ESPL1: variants seen among roughly 807,000 people sequenced by gnomAD.
ESPL1 encodes the protein separin.
In ESPL1, 50 loss-of-function variants were observed where a neutral mutation model predicts 217.2. The observed-to-expected ratio is 0.23, with a 90% CI of 0.18 to 0.29. ESPL1 has a LOEUF of 0.29. Ranked by LOEUF, ESPL1 falls within the 10% of genes least tolerant of loss-of-function variation. The pLI is 1.00. For synonymous variants in ESPL1, 994 were observed against 1,081.3 expected (o/e 0.92, Z 1.58); for missense variants, 1,834 against 2,603.0 (o/e 0.70, Z 6.43).
chr12:53,278,087 G>T, intron 11 of ESPL1, 127 bp downstream of exon 11: 1 of 942,474 alleles, frequency 1.1e-6, no homozygotes. Context: ...GCGCAGGGCT[G>T]TATCACCAGT....
At position 53,293,110 on chromosome 12, in the gene ESPL1, A is replaced by G; in HGVS notation, c.6161+140A>G. The G allele has an allele frequency of 1.0e-6, 1 of 988,166 alleles. No individual in the cohort carries two copies. The highest frequency in any genetic ancestry group is 1.5e-6 in the Non-Finnish European group (1 of 663,348). 61.2% of individuals were successfully genotyped at this position (988,166 alleles called of 1,614,324 possible). The stretch of plus-strand genomic sequence containing the variant: ...GTTAGTTCCCTGGCATGCCTGGACC[A>G]TTAACCCTTAGCTCCCTTCTGTTCT... On this transcript the variant is annotated intron_variant, in intron 30 of 30. Transcript: ENST00000257934. The surrounding 1 kb of genome is among the most constrained non-coding windows in gnomAD (Gnocchi z 4.2).
intron 16 of ESPL1, 36 bp downstream of exon 16, chr12:53,283,574 A>T: frequency 6.3e-7 from 1 of 1,592,020 alleles, no homozygotes; most frequent in African/African-American, 1.3e-5. Context: ...CAATGATGGC[A>T]CCAAAGTGCC....
At position 53,273,448 on chromosome 12, in the gene ESPL1, G is replaced by C. The variant is rs1039198373; in HGVS notation, c.1506+591G>C. Among the ~76,000 whole-genome samples the C allele has an allele frequency of 2.6e-5, 4 of 151,812 alleles. No homozygotes were observed. In the East Asian group the frequency reaches 7.8e-4, roughly 29 times the overall value. ...TTAAGAAAATTCTAATGTCTGCCCC[G>C]AGTTAATTGCATCAGAATCTCTAGT... On this transcript the variant is annotated intron_variant, in intron 6 of 30. Coordinates refer to ENST00000257934, the MANE Select transcript of ESPL1 (RefSeq NM_012291.5).
intron 7 of ESPL1, 103 bp downstream of exon 7, chr12:53,275,113 A>T (rs1943743466): frequency 2.4e-6 from 2 of 834,962 alleles, no homozygotes; most frequent in Non-Finnish European, 3.6e-6. Context: ...GACCATGGCC[A>T]ACATGGTGAA....
In ESPL1 at chr12:53,269,040, C is replaced by T; in HGVS notation, c.98C>T (p.Pro33Leu). The T allele has an allele frequency of 5.6e-6, 9 of 1,612,056 alleles. No individual in the cohort carries two copies. The highest frequency in any genetic ancestry group is 7.6e-6 in the Non-Finnish European group (9 of 1,178,716). ...TACTCCTAGGAGTTCCTGTCCAACCCTCCAGCTGGTTTTCCCAGCAGCCGA... is the reference window on the plus strand; with the variant it reads ...TACTCCTAGGAGTTCCTGTCCAACCTTCCAGCTGGTTTTCCCAGCAGCCGA... ...LPALKEFLSN[P>L]PAGFPSSRSD... The change falls in exon 3 of 31, where the codon CCT (proline) becomes CTT (leucine). Residue 33 changes from proline (P) to leucine (L), a missense_variant. Around this residue, in one of 5 missense-constraint regions of ESPL1, gnomAD observed 746 missense variants for 1,077.0 expected, o/e 0.69. Coordinates refer to ENST00000257934, the MANE Select transcript of ESPL1 (RefSeq NM_012291.5). This position sits in a 1 kb window ranked among gnomAD's most constrained non-coding sequence, Gnocchi z 6.7.
intron 17 of ESPL1, among the ~76,000 whole-genome samples, chr12:53,285,264 G>A (rs188939965): frequency 7.7e-4 from 117 of 152,258 alleles, no homozygotes; most frequent in Admixed American, 1.4e-3. Context: ...AGCTGAGTGG[G>A]AGCATAGATT....
Position 53,293,509 on chromosome 12 carries a change from C to T in ESPL1, c.*35C>T, listed in dbSNP as rs1944099584. 1.4e-6 allele frequency: 2 copies of T among 1,477,402 alleles called. No individual in the cohort carries two copies. Among genetic ancestry groups the T allele is most frequent in the South Asian group, 2.3e-5 (2 of 88,328 alleles). The allele number at this position is 1,477,402 out of a possible 1,614,324, so 91.5% of individuals were successfully genotyped here. A position where few individuals can be genotyped will look rare whatever the true frequency, so the allele number is the denominator to read the frequency against. ...GCTGTCTTATTGATGCTAGAAGCCT[C>T]ATAACTGTTCTACCTCCAAGGTTAG... On this transcript the variant is annotated 3_prime_UTR_variant, in exon 31 of 31. Transcript: ENST00000257934. This position sits in a 1 kb window ranked among gnomAD's most constrained non-coding sequence, Gnocchi z 4.2.
At chr12:53,277,409 TAGC>T in intron 9 of ESPL1, 58 bp from the exon 10 acceptor site, 2 of 1,569,542 alleles carry the variant, frequency 1.3e-6, no homozygotes, top group Non-Finnish European at 1.7e-6. Context: ...GCCTGCCGAG[TAGC>T]CAGGACGATA....
intron 8 of ESPL1, 109 bp from the exon 9 acceptor site, chr12:53,276,974 T>C: frequency 1.3e-6 from 2 of 1,548,924 alleles, no homozygotes; most frequent in African/African-American, 1.4e-5. Context: ...CTTGTGGCCA[T>C]GGGAGCACAT....
In ESPL1 at chr12:53,290,230, T is replaced by C. The variant is rs1208290211; in HGVS notation, c.5241+18T>C. On this transcript the variant is annotated intron_variant, in intron 23 of 30. Transcript: ENST00000257934. ...AGAACAAGGTAGGATTCCTGGGCCATGGAGCAAAGTTGGGCTGGATTGGGC... is the reference window on the plus strand; with the variant it reads ...AGAACAAGGTAGGATTCCTGGGCCACGGAGCAAAGTTGGGCTGGATTGGGC... 1 of 1,613,402 alleles carries C rather than the reference T, an allele frequency of 6.2e-7. No homozygotes were observed.
Position 53,293,506 on chromosome 12 carries a change from C to T in ESPL1, c.*32C>T. 6.6e-7 allele frequency: 1 copy of T among 1,503,946 alleles called. No individual in the cohort carries two copies. Among genetic ancestry groups the T allele is most frequent in the South Asian group, 1.1e-5 (1 of 88,820 alleles). The allele number at this position is 1,503,946 out of a possible 1,614,324, so 93.2% of individuals were successfully genotyped here. A position where few individuals can be genotyped will look rare whatever the true frequency, so the allele number is the denominator to read the frequency against. On this transcript the variant is annotated 3_prime_UTR_variant, in exon 31 of 31. Coordinates refer to ENST00000257934, the MANE Select transcript of ESPL1 (RefSeq NM_012291.5). This position sits in a 1 kb window ranked among gnomAD's most constrained non-coding sequence, Gnocchi z 4.2. Reference sequence around the variant, plus strand: ...GGAGCTGTCTTATTGATGCTAGAAGCCTCATAACTGTTCTACCTCCAAGGT... The same window carrying T: ...GGAGCTGTCTTATTGATGCTAGAAGTCTCATAACTGTTCTACCTCCAAGGT...
At chr12:53,281,262 C>T (rs780396710) in intron 12 of ESPL1, among the ~76,000 whole-genome samples, 4 of 151,322 alleles carry the variant, frequency 2.6e-5, no homozygotes, top group Non-Finnish European at 5.9e-5. Context: ...CTCAGCCTCC[C>T]GAGTAGCTGG....
Position 53,288,025 on chromosome 12 carries a change from G to T in ESPL1, c.4230G>T (p.Trp1410Cys). The change falls in exon 19 of 31, where the codon TGG becomes TGT. Residue 1410 changes from tryptophan to cysteine, a missense_variant. Physicochemically the swap from Trp to Cys is radical, Grantham distance 215 (BLOSUM62 -2). This residue lies in a region of ESPL1 where 681 missense variants were observed against 808.0 expected (regional missense o/e 0.84). Coordinates refer to ENST00000257934, the MANE Select transcript of ESPL1 (RefSeq NM_012291.5). ...AAGACCCTGTCTCAGCTGAGGCCTGGCTGGCAGAGGAGCCTAAGAGACGGG... is the reference window on the plus strand; with the variant it reads ...AAGACCCTGTCTCAGCTGAGGCCTGTCTGGCAGAGGAGCCTAAGAGACGGG... ...DLEDPVSAEAWLAEEPKRRGT... is the reference protein window; with the variant it reads ...DLEDPVSAEACLAEEPKRRGT... 6.2e-7 allele frequency: 1 copy of T among 1,613,236 alleles called. No individual in the cohort carries two copies. Among genetic ancestry groups the T allele is most frequent in the Non-Finnish European group, 8.5e-7 (1 of 1,179,836 alleles).
At position 53,277,076 on chromosome 12, in the gene ESPL1, C is replaced by T; in HGVS notation, c.1941-7C>T. ...AGGCCCAGCTTAAGCACATCTTCTC[C>T]CTGCAGCTCTGCTCTGGATGCTATC... is the stretch of plus-strand genomic sequence containing the variant. On this transcript the variant is annotated splice_region_variant and splice_polypyrimidine_tract_variant and intron_variant, in intron 8 of 30. Coordinates refer to ENST00000257934, the MANE Select transcript of ESPL1 (RefSeq NM_012291.5). 6.2e-7 allele frequency: 1 copy of T among 1,610,804 alleles called. No individual in the cohort carries two copies. Among genetic ancestry groups the T allele is most frequent in the South Asian group, 1.1e-5 (1 of 90,978 alleles).
intron 17 of ESPL1, 78 bp from the exon 18 acceptor site, chr12:53,285,846 T>C (rs898159190): frequency 4.3e-6 from 5 of 1,167,368 alleles, no homozygotes; most frequent in African/African-American, 3.1e-5. Context: ...TATTAGAGAA[T>C]TGGGCCCCAA....
chr12:53,288,866 C>T (rs1227229556), intron 20 of ESPL1, 167 bp downstream of exon 20: 2 of 726,840 alleles, frequency 2.8e-6, no homozygotes, highest in Non-Finnish European at 4.6e-6. Flanking sequence ...CACTTAACCT[C>T]TCCAAGCTTC....
At chr12:53,289,741 C>A in intron 22 of ESPL1, 147 bp downstream of exon 22, 1 of 702,284 alleles carries the variant, frequency 1.4e-6, no homozygotes, top group African/African-American at 1.8e-5. Context: ...CATCTTACAT[C>A]AGGAAGGTTT....
chr12:53,290,846 CATCGCTTCCCT>C lies in ESPL1; in HGVS notation c.5372_5382del (p.Ile1791ArgfsTer17). ...GGTCTGCCCTCTGCATTCAGGTTCT[CATCGCTTCCCT>C]AGAGAAGTCTGTGCTGGGCTGCTGG... is the stretch of plus-strand genomic sequence containing the variant. On this transcript the variant is annotated frameshift_variant, in exon 25 of 31. Transcript: ENST00000257934. LOFTEE classifies it high-confidence loss of function. 1 of 1,605,528 alleles carries C rather than the reference CATCGCTTCCCT, an allele frequency of 6.2e-7. No homozygotes were observed. The highest frequency in any genetic ancestry group is 8.5e-7 in the Non-Finnish European group (1 of 1,176,146).
At chr12:53,277,261 G>C in intron 9 of ESPL1, 34 bp downstream of exon 9, 1 of 1,592,056 alleles carries the variant, frequency 6.3e-7, no homozygotes. Flanking sequence ...CACCAGAACT[G>C]GGTGTAGGAA....
Sources: gnomAD v4.1 joint callset for allele counts (sites outside exome capture counted in the v4.1 genomes callset) on GRCh38, gnomAD v4.1.1 for gene constraint, gnomAD v4.1.1 regional missense constraint, Gnocchi (gnomAD v3.1) non-coding constraint, MANE v1.5 for transcripts, NCBI Gene and HGNC (gene_info 2026-07-23, HGNC 2026-07-21) for gene names.